The following FYCO1 variants were observed in gnomAD, a reference collection of about 807,000 sequenced individuals.
The protein encoded by FYCO1 is FYVE and coiled-coil domain-containing protein 1.
FYCO1 carries 122 observed loss-of-function variants against 165.1 expected under a neutral mutation model. The observed-to-expected ratio is 0.74, with a 90% CI of 0.64 to 0.86. The LOEUF is 0.86. Ranked by LOEUF, FYCO1 falls within the 40% of genes least tolerant of loss-of-function variation. The pLI is 0.00. For missense variants in FYCO1, 1,702 were observed against 1,810.3 expected (o/e 0.94, Z 1.09); for synonymous variants, 648 against 742.5 (o/e 0.87, Z 2.07).
chr3:45,965,342 G>A (rs1216127883), intron 8 of FYCO1, among the ~76,000 whole-genome samples: 5 of 152,190 alleles, frequency 3.3e-5, no homozygotes, highest in Admixed American at 2.0e-4. Context: ...CTTAATTTCC[G>A]CAAGGGAAAA....
chr3:45,965,252 A>G, intron 8 of FYCO1, 127 bp from the exon 9 acceptor site: 1 of 712,866 alleles, frequency 1.4e-6, no homozygotes, highest in Non-Finnish European at 2.5e-6. Context: ...TGGCTCCTCA[A>G]TGAGCTTTGG....
chr3:45,919,479 A>G lies in FYCO1; in HGVS notation c.*2286T>C, dbSNP rs886058557. The G allele has an allele frequency of 5.3e-5, 8 of 152,246 alleles. No homozygotes were observed. Among genetic ancestry groups the G allele is most frequent in the African/African-American group, 1.9e-4 (8 of 41,456 alleles). The allele number at this position is 152,246 out of a possible 1,614,324, so 9.4% of individuals were successfully genotyped here. Reference sequence around the variant, plus strand: ...TTTTGAACAATAGCAGTCAGTGCTCAAGGTGTTGCACGCAAAACATCCAGC... The same window carrying G: ...TTTTGAACAATAGCAGTCAGTGCTCGAGGTGTTGCACGCAAAACATCCAGC... On this transcript the variant is annotated 3_prime_UTR_variant, in exon 18 of 18. Coordinates refer to ENST00000296137, the MANE Select transcript of FYCO1 (RefSeq NM_024513.4).
intron 13 of FYCO1, 137 bp downstream of exon 13, chr3:45,958,271 A>G (rs757825279): frequency 1.1e-4 from 78 of 715,704 alleles, no homozygotes; most frequent in Non-Finnish European, 1.7e-4. Context: ...GTTGGTGGTA[A>G]TATATTTTAG....
At chr3:45,963,487 C>T (rs1254702119) in intron 10 of FYCO1, among the ~76,000 whole-genome samples, 1 of 152,154 alleles carries the variant, frequency 6.6e-6, no homozygotes, top group Non-Finnish European at 1.5e-5. Context: ...CAAAGATATC[C>T]TGGATCTCCT....
chr3:45,922,257 C>T (rs936501020), intron 17 of FYCO1, among the ~76,000 whole-genome samples: 2 of 152,226 alleles, frequency 1.3e-5, no homozygotes, highest in Non-Finnish European at 2.9e-5. Context: ...GTTTGGAAAT[C>T]TCAAGTAGGC....
chr3:45,979,633 A>G lies in FYCO1; in HGVS notation c.288+72T>C, dbSNP rs894948300. 1.9e-6 allele frequency: 3 copies of G among 1,584,190 alleles called. No individual in the cohort carries two copies. In the African/African-American group the frequency reaches 4.0e-5, roughly 21 times the overall value. On this transcript the variant is annotated intron_variant, in intron 4 of 17. Coordinates refer to ENST00000296137, the MANE Select transcript of FYCO1 (RefSeq NM_024513.4). Reference sequence around the variant, plus strand: ...CTTCCTTATTTAGCTGTCTGCAGCAAAGGTCTCTGCAAGAGCTGCTTTAAG... The same window carrying G: ...CTTCCTTATTTAGCTGTCTGCAGCAGAGGTCTCTGCAAGAGCTGCTTTAAG...
In FYCO1 at chr3:45,964,034, A is replaced by G. The variant is rs1270595132; in HGVS notation, c.3269+302T>C. Among the ~76,000 whole-genome samples, 1 of 152,224 alleles carries G rather than the reference A, an allele frequency of 6.6e-6. No individual in the cohort carries two copies. Among genetic ancestry groups the G allele is most frequent in the East Asian group, 1.9e-4 (1 of 5,198 alleles). On this transcript the variant is annotated intron_variant, in intron 10 of 17. Coordinates refer to ENST00000296137, the MANE Select transcript of FYCO1 (RefSeq NM_024513.4). This position sits in a 1 kb window ranked among gnomAD's most constrained non-coding sequence, Gnocchi z 4.1. ...TGCTGCTACTATTACCATTATTATT[A>G]TGATCTAACTTTTATTTCATTTTAG...
chr3:45,952,384 T>G (rs529617253), intron 14 of FYCO1, among the ~76,000 whole-genome samples: 1 of 152,334 alleles, frequency 6.6e-6, no homozygotes, highest in African/African-American at 2.4e-5. Context: ...GTTTTTGGTT[T>G]AGGTCTTAAA....
intron 12 of FYCO1, 35 bp from the exon 13 acceptor site, chr3:45,958,654 C>T (rs1453694716): frequency 6.2e-7 from 1 of 1,603,034 alleles, no homozygotes; most frequent in African/African-American, 1.3e-5. Context: ...GTGAGGATGA[C>T]ACACTATGAT....
Position 45,968,192 on chromosome 3 carries a change from G to C in FYCO1, c.1142C>G (p.Thr381Arg). ...WLAMAQQKADTASDTKGRQEP... is the reference protein window; with the variant it reads ...WLAMAQQKADRASDTKGRQEP... ...TTGCCGGCCCTTTGTGTCTGATGCC[G>C]TATCTGCCTTCTGCTGAGCCATGGC... The change falls in exon 8 of 18, where the codon ACG becomes AGG. Residue 381 changes from threonine (T) to arginine (R), a missense_variant. Transcript: ENST00000296137. 6.2e-7 allele frequency: 1 copy of C among 1,613,972 alleles called. No individual in the cohort carries two copies. The highest frequency in any genetic ancestry group is 8.5e-7 in the Non-Finnish European group (1 of 1,180,030).
At position 45,968,490 on chromosome 3, in the gene FYCO1, G is replaced by C. The variant is rs201358723; in HGVS notation, c.844C>G (p.Arg282Gly). 478 of 1,613,780 alleles carry C rather than the reference G, an allele frequency of 3.0e-4. No homozygotes were observed. Among genetic ancestry groups the C allele is most frequent in the Non-Finnish European group, 3.9e-4 (462 of 1,180,032 alleles). ...EQLQTERERG[R>G]TAAEDNVRLT... ...CGAACGTTGTCCTCCGCTGCAGTGC[G>C]CCCCCTCTCCCTCTCTGTCTGCAGT... The change falls in exon 8 of 18, where the codon CGC becomes GGC. Residue 282 changes from arginine (R) to glycine (G), a missense_variant. Coordinates refer to ENST00000296137, the MANE Select transcript of FYCO1 (RefSeq NM_024513.4).
intron 2 of FYCO1, among the ~76,000 whole-genome samples, chr3:45,982,437 G>T (rs144628978): frequency 6.6e-6 from 1 of 152,202 alleles, no homozygotes; most frequent in Admixed American, 6.5e-5. Context: ...AGCAGAGCTG[G>T]AATAAGAACC....
intron 16 of FYCO1, among the ~76,000 whole-genome samples, chr3:45,926,001 A>G (rs1375608607): frequency 6.6e-6 from 1 of 152,240 alleles, no homozygotes; most frequent in Non-Finnish European, 1.5e-5. Flanking sequence ...ATGAAAGGAC[A>G]GTTTTCAAGA....
intron 1 of FYCO1, among the ~76,000 whole-genome samples, chr3:45,991,994 G>A (rs1559471074): frequency 1.3e-5 from 2 of 152,222 alleles, no homozygotes; most frequent in Admixed American, 1.3e-4. Context: ...AGCCGTGTGA[G>A]GCCACAGCAA....
At chr3:45,973,678 G>A (rs1471784286) in intron 5 of FYCO1, among the ~76,000 whole-genome samples, 6 of 152,166 alleles carry the variant, frequency 3.9e-5, no homozygotes, top group African/African-American at 7.2e-5. Flanking sequence ...GTTCAGCACC[G>A]TAAGACAGGG....
intron 3 of FYCO1, among the ~76,000 whole-genome samples, chr3:45,980,996 T>C (rs1707021613): frequency 6.6e-6 from 1 of 152,096 alleles, no homozygotes; most frequent in Non-Finnish European, 1.5e-5. Context: ...TAAAAGAAAA[T>C]ATCCTGGGCT....
chr3:45,951,198 C>A (rs1705001167), intron 14 of FYCO1, among the ~76,000 whole-genome samples: 1 of 152,168 alleles, frequency 6.6e-6, no homozygotes, highest in African/African-American at 2.4e-5. Context: ...ATCAGGAAAG[C>A]AACATAACTC....
chr3:45,958,021 G>A (rs1365722352), intron 13 of FYCO1, among the ~76,000 whole-genome samples: 1 of 152,344 alleles, frequency 6.6e-6, no homozygotes, highest in East Asian at 1.9e-4. Flanking sequence ...GGAAGAGCGA[G>A]CTTCAGGAAG....
intron 14 of FYCO1, among the ~76,000 whole-genome samples, chr3:45,950,696 A>C (rs1704958032): frequency 6.6e-6 from 1 of 152,182 alleles, no homozygotes. Context: ...ACTAGTTCAG[A>C]GAGATTAATG....
Sources: gnomAD v4.1 joint callset for allele counts (sites outside exome capture counted in the v4.1 genomes callset) on GRCh38, gnomAD v4.1.1 for gene constraint, Gnocchi (gnomAD v3.1) non-coding constraint, MANE v1.5 for transcripts, NCBI Gene and HGNC (gene_info 2026-07-23, HGNC 2026-07-21) for gene names.